The following ARHGAP9 variants were observed in gnomAD, a reference collection of about 807,000 sequenced individuals.
ARHGAP9 encodes the protein rho GTPase-activating protein 9.
ARHGAP9 carries 76 observed loss-of-function variants against 87.3 expected under a neutral mutation model. The ratio of observed to expected loss-of-function variants is 0.87; its 90% CI spans 0.72 to 1.05. The LOEUF (loss-of-function observed/expected upper bound fraction) is 1.05. ARHGAP9 is among the 50% of genes least tolerant of loss of function. The pLI, the probability that ARHGAP9 is intolerant of heterozygous loss-of-function variation, is 0.00. For synonymous variants in ARHGAP9, 382 were observed against 394.9 expected, an observed-to-expected ratio of 0.97 and a Z score of 0.39; for missense variants, 941 against 960.5, an observed-to-expected ratio of 0.98 and a Z score of 0.27.
rs1222641528 is a variant in ARHGAP9, at chr12:57,486,154, TATTA to T, written c.-203-2195_-203-2192del. Reference sequence around the variant, plus strand: ...TGCCTAGCTCATAAGTACTATTAGATATTAATTATTCTTAAAATAATATAAAGAT... The same window carrying T: ...TGCCTAGCTCATAAGTACTATTAGATATTATTCTTAAAATAATATAAAGAT... On this transcript the variant is annotated intron_variant, in intron 1 of 20. Coordinates refer to the ARHGAP9 transcript ENST00000393797. 2.0e-5 allele frequency among the ~76,000 whole-genome samples: 3 copies of T among 152,362 alleles called. No individual in the cohort carries two copies. The East Asian group carries it at 5.8e-4, about 29-fold the overall frequency.
At chr12:57,480,341 C>T (rs1874886905), upstream of ARHGAP9, among the ~76,000 whole-genome samples, 1 of 152,110 alleles carries the variant, frequency 6.6e-6, no homozygotes, top group East Asian at 1.9e-4. Context: ...GTCACCACAC[C>T]TGGCTAGTTT....
At chr12:57,486,902 A>AG (rs1565634604) in intron 1 of ARHGAP9, among the ~76,000 whole-genome samples, 1 of 150,424 alleles carries the variant, frequency 6.6e-6, no homozygotes, top group Non-Finnish European at 1.5e-5. Context: ...AAAAAAAAAA[A>AG]AGAGATGCTC....
At chr12:57,484,884 G>C (rs1412170807) in intron 1 of ARHGAP9, among the ~76,000 whole-genome samples, 1 of 152,068 alleles carries the variant, frequency 6.6e-6, no homozygotes, top group East Asian at 1.9e-4. Flanking sequence ...GACCTCAGGT[G>C]ATCCGCCTGC....
upstream of ARHGAP9, among the ~76,000 whole-genome samples, chr12:57,484,768 C>T (rs908832211): frequency 3.9e-5 from 6 of 152,044 alleles, no homozygotes; most frequent in African/African-American, 7.2e-5. Context: ...CCTCAGCCTC[C>T]CAAGTAGCTG....
In ARHGAP9 at chr12:57,477,665, G is replaced by A; in HGVS notation, c.550C>T (p.Leu184Phe). 1.2e-6 allele frequency: 2 copies of A among 1,612,214 alleles called. No homozygotes were observed. Among genetic ancestry groups the A allele is most frequent in the Non-Finnish European group, 1.7e-6 (2 of 1,178,778 alleles). The change falls in exon 4 of 18, where the codon CTC (leucine) becomes TTC (phenylalanine). Residue 184 changes from leucine to phenylalanine, a missense_variant. Coordinates refer to ENST00000393791, the MANE Select transcript of ARHGAP9 (RefSeq NM_032496.4). ...ASASTAGPQPLMSEPPVYCNL... is the reference protein window; with the variant it reads ...ASASTAGPQPFMSEPPVYCNL... ...CAGTACACAGGGGGCTCTGACATGA[G>A]GGGCTGGGGGCCTGCCTGCCAGAAA... is the stretch of plus-strand genomic sequence containing the variant.
Position 57,477,576 on chromosome 12 carries a change from C to T in ARHGAP9, c.639G>A (p.Leu213=), listed in dbSNP as rs754405583. 5 of 1,613,090 alleles carry T rather than the reference C, an allele frequency of 3.1e-6. No individual in the cohort carries two copies. In the Admixed American group the frequency reaches 6.7e-5, roughly 22 times the overall value. ...GCTGCTCCCAGGCATCCAGCCTCTG[C>T]AGCAGGGGGCATGCAGGGCCTGGGG... ...SPPPGPACPL[L]QRLDAWEQHL... is the part of the protein sequence containing the mutation. Residue 213 remains leucine, a synonymous_variant, in exon 4 of 18, where the codon CTG becomes CTA. Transcript: ENST00000393791.
chr12:57,482,322 C>A (rs1289513253), upstream of ARHGAP9, among the ~76,000 whole-genome samples: 1 of 151,850 alleles, frequency 6.6e-6, no homozygotes, highest in Non-Finnish European at 1.5e-5. Flanking sequence ...CTCACTGCAA[C>A]CTCCGCCTCC....
chr12:57,487,850 C>CAAAAA lies in ARHGAP9; in HGVS notation c.-204+757_-204+761dup, dbSNP rs10715375. Reference sequence around the variant, plus strand: ...GGTGACAGAGGGAGACGCCCTCTCACAAAAAAAAAAAAAAAAAAAAAAAAG... The same window carrying CAAAAA: ...GGTGACAGAGGGAGACGCCCTCTCACAAAAAAAAAAAAAAAAAAAAAAAAAAAAAG... On this transcript the variant is annotated intron_variant, in intron 1 of 20. Coordinates refer to the ARHGAP9 transcript ENST00000393797. The CAAAAA allele has an allele frequency of 3.6e-4, 65 of 179,984 alleles. 1 individual carries two copies. Among genetic ancestry groups the CAAAAA allele is most frequent in the Middle Eastern group, 1.9e-3 (1 of 532 alleles). 11.1% of individuals were successfully genotyped at this position (179,984 alleles called of 1,614,324 possible). A position where few individuals can be genotyped will look rare whatever the true frequency, so the allele number is the denominator to read the frequency against.
At chr12:57,475,249 G>A in intron 12 of ARHGAP9, 42 bp downstream of exon 12, 1 of 1,531,920 alleles carries the variant, frequency 6.5e-7, no homozygotes, top group Admixed American at 2.0e-5. Context: ...TCTGAGCCTC[G>A]CTGGAGTTTT....
intron 11 of ARHGAP9, 34 bp from the exon 12 acceptor site, chr12:57,475,432 C>T: frequency 6.3e-7 from 1 of 1,577,022 alleles, no homozygotes; most frequent in East Asian, 2.3e-5. Context: ...GCGTGAGCGC[C>T]CGGGAGCCTC....
chr12:57,478,420 C>G, intron 3 of ARHGAP9, 120 bp downstream of exon 3: 1 of 1,035,042 alleles, frequency 9.7e-7, no homozygotes, highest in East Asian at 2.5e-5. Context: ...TCAGTAGTAC[C>G]AAGCGTTATC....
At position 57,476,141 on chromosome 12, in the gene ARHGAP9, C is replaced by A. The variant is rs188470640; in HGVS notation, c.1142G>T (p.Ser381Ile). 874 of 1,543,390 alleles carry A rather than the reference C, an allele frequency of 5.7e-4. 4 individuals are homozygous for A. Among genetic ancestry groups the A allele is most frequent in the Non-Finnish European group, 7.3e-4 (836 of 1,143,978 alleles). Residue 381 changes from serine (S) to isoleucine (I), a missense_variant, in exon 9 of 18, where the codon AGT (serine) becomes ATT (isoleucine). Ser to Ile is a moderately radical substitution (Grantham distance 142). Transcript: ENST00000393791. Reference protein sequence around the residue: ...GWGPAGSRPESSVDLRGAALA... With the variant: ...GWGPAGSRPEISVDLRGAALA... ...GGCCGCCCCGCGCAGGTCCACGCTA[C>A]TTTCGGGCCGGCTACCCGCTGGTCC...
In ARHGAP9 at chr12:57,476,081, T is replaced by C. The variant is rs1451423968; in HGVS notation, c.1202A>G (p.Asn401Ser). 3.3e-6 allele frequency: 5 copies of C among 1,536,336 alleles called. 1 individual carries two copies. In the East Asian group the frequency reaches 9.8e-5, roughly 30 times the overall value. The change falls in exon 9 of 18, where the codon AAC (asparagine) becomes AGC (serine). Residue 401 changes from asparagine (N) to serine (S), a missense_variant. Coordinates refer to ENST00000393791, the MANE Select transcript of ARHGAP9 (RefSeq NM_032496.4). ...CGGGAGGGCGCTCACGTGCAGGACG[T>C]TGCGGCGGCTGGACAGGTGGCGGCC... ...AHGRHLSSRR[N>S]VLHIRTIPGH...
chr12:57,476,523 C>T, intron 7 of ARHGAP9, 67 bp downstream of exon 7: 1 of 1,611,252 alleles, frequency 6.2e-7, no homozygotes, highest in East Asian at 2.2e-5. Context: ...GGAGGGTGCT[C>T]TTCCAACACC....
chr12:57,480,910 C>G, upstream of ARHGAP9: 1 of 1,388,818 alleles, frequency 7.2e-7, no homozygotes, highest in Non-Finnish European at 1.0e-6. Context: ...CAGCTCTCTT[C>G]CCCTGAGGGC....
chr12:57,482,202 G>A (rs1326673815), upstream of ARHGAP9, among the ~76,000 whole-genome samples: 2 of 152,016 alleles, frequency 1.3e-5, no homozygotes, highest in African/African-American at 4.8e-5. Context: ...GAGCCTAGGA[G>A]CTTGAGGTGC....
At chr12:57,478,886 C>A in intron 2 of ARHGAP9, 129 bp from the exon 3 acceptor site, 1 of 1,121,504 alleles carries the variant, frequency 8.9e-7, no homozygotes. Flanking sequence ...GGCATGAGAC[C>A]TAGAAGCCTT....
chr12:57,475,363 G>A lies in ARHGAP9; in HGVS notation c.1480C>T (p.Arg494Cys). The change falls in exon 12 of 18, where the codon CGC becomes TGC. Residue 494 changes from arginine to cysteine, a missense_variant. Physicochemically the swap from Arg to Cys is radical, Grantham distance 180. Transcript: ENST00000393791. ...GCGATGAGCCGCTTTAGTTTGTTGC[G>A]CACGCGGTTCTGCTCGGTGCCTTCG... is the stretch of plus-strand genomic sequence containing the variant. ...GPEGTEQNRV[R>C]NKLKRLIAKR... 2 of 1,602,324 alleles carry A rather than the reference G, an allele frequency of 1.2e-6. No homozygotes were observed. Among genetic ancestry groups the A allele is most frequent in the Non-Finnish European group, 1.7e-6 (2 of 1,174,436 alleles).
chr12:57,478,908 G>A (rs1358617115), intron 2 of ARHGAP9, 151 bp from the exon 3 acceptor site: 35 of 1,082,872 alleles, frequency 3.2e-5, no homozygotes, highest in Non-Finnish European at 4.6e-5. Context: ...GGACTAGGAG[G>A]ACAGGCAGTG....
Sources: gnomAD v4.1 joint callset for allele counts (sites outside exome capture counted in the v4.1 genomes callset) on GRCh38, gnomAD v4.1.1 for gene constraint, MANE v1.5 for transcripts, NCBI Gene and HGNC (gene_info 2026-07-23, HGNC 2026-07-21) for gene names.